Variants in ALDH8A1 observed in about 807,000 individuals in gnomAD.
ALDH8A1 encodes 2-aminomuconic semialdehyde dehydrogenase.
Under a neutral mutation model 43.3 loss-of-function variants are expected in ALDH8A1, and 39 were observed. The ratio of observed to expected loss-of-function variants is 0.90; its 90% CI spans 0.70 to 1.18. ALDH8A1 has a LOEUF of 1.18. Ranked by LOEUF, ALDH8A1 falls within the 50% of genes most tolerant of loss-of-function variation. The pLI is 0.00. For synonymous variants in ALDH8A1, 233 were observed against 243.5 expected, an observed-to-expected ratio of 0.96 and a Z score of 0.40; for missense variants, 605 against 622.6, an observed-to-expected ratio of 0.97 and a Z score of 0.30.
At chr6:134,936,842 G>T (rs1413671766) in intron 4 of ALDH8A1, among the ~76,000 whole-genome samples, 17 of 152,150 alleles carry the variant, frequency 1.1e-4, no homozygotes. Context: ...ACCTTGAAGA[G>T]ATTCTGGTGA....
At chr6:134,945,749 G>A (rs1441428642) in intron 1 of ALDH8A1, among the ~76,000 whole-genome samples, 3 of 152,038 alleles carry the variant, frequency 2.0e-5, no homozygotes, top group African/African-American at 4.8e-5. Flanking sequence ...TAATCTAGCC[G>A]CCTGAGCCTG....
rs540108594 is a variant in ALDH8A1 at position 134,935,372 on chromosome 6, TAAC to T, written c.593-2343_593-2341del. On this transcript the variant is annotated intron_variant, in intron 4 of 6. Transcript: ENST00000265605. Reference sequence around the variant, plus strand: ...AAATTTGAGGGAAAGTGAGATTGAATAACAATCAGTAAGCAGCAAAGCTGACAG... The same window carrying T: ...AAATTTGAGGGAAAGTGAGATTGAATAATCAGTAAGCAGCAAAGCTGACAG... Among the ~76,000 whole-genome samples the T allele has an allele frequency of 6.6e-5, 10 of 152,332 alleles. No individual in the cohort carries two copies. The South Asian group carries it at 2.1e-3, about 32-fold the overall frequency.
At position 134,943,839 on chromosome 6, in the gene ALDH8A1, T is replaced by A; in HGVS notation, c.266A>T (p.Gln89Leu). 2 of 1,614,218 alleles carry A rather than the reference T, an allele frequency of 1.2e-6. No individual in the cohort carries two copies. The highest frequency in any genetic ancestry group is 1.7e-6 in the Non-Finnish European group (2 of 1,180,032). ...LLEQSLEEFAQAESKDQGKTL... is the reference protein window; with the variant it reads ...LLEQSLEEFALAESKDQGKTL... Reference sequence around the variant, plus strand: ...CTCACCTTGGTCTTTAGACTCGGCCTGGGCAAACTCCTCCAGGGACTGCTC... The same window carrying A: ...CTCACCTTGGTCTTTAGACTCGGCCAGGGCAAACTCCTCCAGGGACTGCTC... Residue 89 changes from glutamine to leucine, a missense_variant, in exon 2 of 7, where the codon CAG becomes CTG. By Grantham distance (113) the Gln-to-Leu change is moderately radical. Transcript: ENST00000265605.
rs764163483 is a variant in ALDH8A1 at position 134,950,011 on chromosome 6, C to T, written c.43G>A (p.Asp15Asn). The T allele has an allele frequency of 7.4e-6, 12 of 1,612,880 alleles. No individual in the cohort carries two copies. In the African/African-American group the frequency reaches 1.2e-4, roughly 16 times the overall value. ...NALLMLENFI[D>N]GKFLPCSSYI... ...GAGCTACAAGGTAAAAATTTTCCAT[C>T]TATGAAGTTTTCCAGCATCAAAAGT... is the stretch of plus-strand genomic sequence containing the variant. Residue 15 changes from aspartate to asparagine, a missense_variant, in exon 1 of 7, where the codon GAT (aspartate) becomes AAT (asparagine). Physicochemically the swap from Asp to Asn is conservative, Grantham distance 23 (BLOSUM62 1). Coordinates refer to ENST00000265605, the MANE Select transcript of ALDH8A1 (RefSeq NM_022568.4).
intron 1 of ALDH8A1, among the ~76,000 whole-genome samples, chr6:134,949,175 G>T (rs1331794725): frequency 6.6e-6 from 1 of 152,106 alleles, no homozygotes; most frequent in East Asian, 1.9e-4. Flanking sequence ...TAAGGCATTA[G>T]ATGACTATAT....
chr6:134,923,888 A>T (rs746131045), intron 6 of ALDH8A1, among the ~76,000 whole-genome samples: 3 of 152,186 alleles, frequency 2.0e-5, no homozygotes, highest in Non-Finnish European at 4.4e-5. Context: ...CAAATTTATT[A>T]TTAGGAAGGT....
At chr6:134,939,181 G>C in intron 4 of ALDH8A1, 85 bp downstream of exon 4, 1 of 1,550,516 alleles carries the variant, frequency 6.4e-7, no homozygotes, top group Non-Finnish European at 8.8e-7. Context: ...CACTGGAATC[G>C]ATTGTGCTGC....
At chr6:134,929,028 A>G (rs1158547379) in intron 6 of ALDH8A1, 26 bp downstream of exon 6, 1 of 1,610,986 alleles carries the variant, frequency 6.2e-7, no homozygotes, top group Non-Finnish European at 8.5e-7. Flanking sequence ...CTTATTCTGT[A>G]ACTTACATGG....
chr6:134,920,305 C>T (rs79297887), intron 6 of ALDH8A1, among the ~76,000 whole-genome samples: 1,695 of 152,262 alleles, frequency 0.011, 37 homozygotes, highest in African/African-American at 0.038. Flanking sequence ...CAGAACATAA[C>T]GCTATTCTAG....
At position 134,918,317 on chromosome 6, in the gene ALDH8A1, G is replaced by T; in HGVS notation, c.*98C>A. On this transcript the variant is annotated 3_prime_UTR_variant, in exon 7 of 7. Coordinates refer to ENST00000265605, the MANE Select transcript of ALDH8A1 (RefSeq NM_022568.4). Reference sequence around the variant, plus strand: ...AGAGATAACCTTCTGCCAAGTCAAGGCATAGCTGGAATTCATGCCATGATT... The same window carrying T: ...AGAGATAACCTTCTGCCAAGTCAAGTCATAGCTGGAATTCATGCCATGATT... 8.4e-7 allele frequency: 1 copy of T among 1,192,078 alleles called. No individual in the cohort carries two copies. Among genetic ancestry groups the T allele is most frequent in the Non-Finnish European group, 1.2e-6 (1 of 839,786 alleles). The allele number at this position is 1,192,078 out of a possible 1,614,324, so 73.8% of individuals were successfully genotyped here. A position where few individuals can be genotyped will look rare whatever the true frequency, so the allele number is the denominator to read the frequency against.
Position 134,949,925 on chromosome 6 carries a change from T to C in ALDH8A1, c.129A>G (p.Gly43=). 6.3e-7 allele frequency: 1 copy of C among 1,593,760 alleles called. No homozygotes were observed. Among genetic ancestry groups the C allele is most frequent in the Non-Finnish European group, 8.6e-7 (1 of 1,169,574 alleles). ...GEVYCRVPNS[G]KDEIEAAVKA... ...AAGTGCATATACTCACCTCGTCTTT[T>C]CCACTATTTGGCACTCTGCAATACA... Residue 43 remains glycine (G), a synonymous_variant, in exon 1 of 7, where the codon GGA becomes GGG. Coordinates refer to ENST00000265605, the MANE Select transcript of ALDH8A1 (RefSeq NM_022568.4).
chr6:134,949,320 T>C (rs1774003937), intron 1 of ALDH8A1, among the ~76,000 whole-genome samples: 1 of 152,200 alleles, frequency 6.6e-6, no homozygotes, highest in South Asian at 2.1e-4. Context: ...AAAAATGTAA[T>C]GCATATGCCA....
intron 5 of ALDH8A1, among the ~76,000 whole-genome samples, chr6:134,930,673 A>G (rs921959484): frequency 1.3e-5 from 2 of 152,204 alleles, no homozygotes; most frequent in African/African-American, 4.8e-5. Context: ...GGAAATGTCT[A>G]AACACTTGAT....
chr6:134,939,441 C>A, intron 3 of ALDH8A1, 26 bp from the exon 4 acceptor site: 1 of 1,609,370 alleles, frequency 6.2e-7, no homozygotes, highest in Non-Finnish European at 8.5e-7. Context: ...AGAAGCACTG[C>A]CTGTGACGGC....
chr6:134,933,050 T>C lies in ALDH8A1; in HGVS notation c.593-18A>G. 1 of 1,526,080 alleles carries C rather than the reference T, an allele frequency of 6.6e-7. No individual in the cohort carries two copies. 94.5% of individuals were successfully genotyped at this position (1,526,080 alleles called of 1,614,324 possible). ...TGGAACACCTGGATAGGAAACAGTA[T>C]CAGTTATAGTAATTCTCAGTATGTT... On this transcript the variant is annotated intron_variant, in intron 4 of 6. Transcript: ENST00000265605.
rs61607335 is a variant in ALDH8A1 at position 134,925,968 on chromosome 6, G to A, written c.1011+3086C>T. Among the ~76,000 whole-genome samples the A allele has an allele frequency of 8.4e-3, 1,276 of 152,144 alleles. 20 individuals carry two copies. The highest frequency in any genetic ancestry group is 0.029 in the African/African-American group (1,189 of 41,508). On this transcript the variant is annotated intron_variant, in intron 6 of 6. Transcript: ENST00000265605. The stretch of plus-strand genomic sequence containing the variant: ...TGGTATTTTCCAGGAAGAACAGGGA[G>A]GCCAGTATGCAGGAGTGGAATGAGG...
At chr6:134,935,406 T>C (rs1773716800) in intron 4 of ALDH8A1, among the ~76,000 whole-genome samples, 1 of 152,256 alleles carries the variant, frequency 6.6e-6, no homozygotes, top group African/African-American at 2.4e-5. Flanking sequence ...GACAGGTTAA[T>C]GACTGTTAAG....
intron 4 of ALDH8A1, among the ~76,000 whole-genome samples, chr6:134,937,976 CA>C (rs1006941803): frequency 6.6e-6 from 1 of 152,146 alleles, no homozygotes; most frequent in African/African-American, 2.4e-5. Flanking sequence ...GTTCCCTAAA[CA>C]GCCTCAGTTT....
chr6:134,939,695 T>C (rs1212068795), intron 3 of ALDH8A1, among the ~76,000 whole-genome samples: 15 of 152,308 alleles, frequency 9.8e-5, no homozygotes, highest in Admixed American at 8.5e-4. Context: ...ACTCCAGAGC[T>C]AAAGAGTTGT....
Sources: allele counts gnomAD v4.1 joint callset (sites outside exome capture counted in the v4.1 genomes callset), GRCh38; gene constraint gnomAD v4.1.1; transcripts MANE v1.5; gene names NCBI Gene and HGNC (gene_info 2026-07-23, HGNC 2026-07-21).